Variants in GTF3C3 observed in about 807,000 individuals in gnomAD.
GTF3C3 encodes general transcription factor 3C polypeptide 3.
Under a neutral mutation model 105.2 loss-of-function variants are expected in GTF3C3, and 75 were observed. The observed-to-expected ratio is 0.71, with a 90% CI of 0.59 to 0.86. The LOEUF (loss-of-function observed/expected upper bound fraction) is 0.86. Among genes scored for constraint, GTF3C3 ranks in the 40% least tolerant of loss-of-function variants. The pLI is 0.00. For missense variants in GTF3C3, 856 were observed against 1,076.5 expected, an observed-to-expected ratio of 0.80 and a Z score of 2.87; for synonymous variants, 335 against 370.4, an observed-to-expected ratio of 0.90 and a Z score of 1.10.
At chr2:196,768,736 G>A (rs1167904885) in intron 16 of GTF3C3, among the ~76,000 whole-genome samples, 6 of 152,010 alleles carry the variant, frequency 3.9e-5, no homozygotes, top group Non-Finnish European at 8.8e-5. Flanking sequence ...CCAACCACTT[G>A]AAACCTCCTA....
At chr2:196,777,498 T>G (rs1222513227) in intron 10 of GTF3C3, 1 of 152,206 alleles carries the variant, frequency 6.6e-6, no homozygotes, top group African/African-American at 2.4e-5. Context: ...CTTTCCATCC[T>G]TTTCGCTGCA....
rs1453762648 is a variant in GTF3C3, at chr2:196,797,912, TG to T, written c.103-5del. 3.4e-6 allele frequency: 5 copies of T among 1,477,196 alleles called. No homozygotes were observed. Among genetic ancestry groups the T allele is most frequent in the Non-Finnish European group, 4.7e-6 (5 of 1,055,134 alleles). The allele number at this position is 1,477,196 out of a possible 1,614,324, so 91.5% of individuals were successfully genotyped here. A position where few individuals can be genotyped will look rare whatever the true frequency, so the allele number is the denominator to read the frequency against. Reference sequence around the variant, plus strand: ...ACTTGCCTTTTTCCTGAAGACTCTGTGATTGCAAATTAATTAATGATTCCAA... The same window carrying T: ...ACTTGCCTTTTTCCTGAAGACTCTGTATTGCAAATTAATTAATGATTCCAA... On this transcript the variant is annotated splice_region_variant and splice_polypyrimidine_tract_variant and intron_variant, in intron 1 of 17. Transcript: ENST00000263956.
chr2:196,790,473 AGAT>A (rs1016328427), intron 4 of GTF3C3, among the ~76,000 whole-genome samples: 39 of 152,350 alleles, frequency 2.6e-4, no homozygotes, highest in African/African-American at 9.4e-4. Flanking sequence ...ATGAATGAAC[AGAT>A]GATACCTAAG....
intron 6 of GTF3C3, among the ~76,000 whole-genome samples, chr2:196,787,952 GACAATC>G (rs1430651575): frequency 6.6e-6 from 1 of 152,064 alleles, no homozygotes; most frequent in Non-Finnish European, 1.5e-5. Flanking sequence ...TGGCAGAACT[GACAATC>G]ATCACTCTTT....
chr2:196,785,999 C>T (rs566167072), intron 6 of GTF3C3, among the ~76,000 whole-genome samples: 4 of 152,250 alleles, frequency 2.6e-5, no homozygotes, highest in African/African-American at 9.6e-5. Context: ...TTGCCCTGCA[C>T]TCTCTTGATC....
chr2:196,779,863 T>C (rs1699316932), intron 9 of GTF3C3, among the ~76,000 whole-genome samples: 1 of 152,076 alleles, frequency 6.6e-6, no homozygotes, highest in South Asian at 2.1e-4. Flanking sequence ...GTATTTTTTG[T>C]AGGCGTAGGG....
chr2:196,773,130 C>T lies in GTF3C3; in HGVS notation c.1855G>A (p.Val619Ile), dbSNP rs1054636315. Residue 619 changes from valine to isoleucine, a missense_variant, in exon 14 of 18, where the codon GTC becomes ATC. Around this residue, in one of 3 missense-constraint regions of GTF3C3, gnomAD observed 605 missense variants for 833.6 expected, o/e 0.73. Transcript: ENST00000263956. ...TTCCACCAGTCATCCTTTGTCAAGA[C>T]GCTTGTGAGCACAGCAAATATTGCT... is the stretch of plus-strand genomic sequence containing the variant. Reference protein sequence around the residue: ...AKAIFAVLTSVLTKDDWWNLL... With the variant: ...AKAIFAVLTSILTKDDWWNLL... The T allele has an allele frequency of 7.5e-6, 12 of 1,605,668 alleles. No homozygotes were observed. The Admixed American group carries it at 1.2e-4, about 16-fold the overall frequency.
intron 6 of GTF3C3, among the ~76,000 whole-genome samples, chr2:196,787,965 C>G (rs1264031223): frequency 6.6e-6 from 1 of 152,184 alleles, no homozygotes; most frequent in Non-Finnish European, 1.5e-5. Flanking sequence ...AATCATCACT[C>G]TTTCCCAAAA....
In GTF3C3 at chr2:196,779,076, C is replaced by T. The variant is rs1699303286; in HGVS notation, c.1219-9G>A. ...AGTGTTGTCAAGAGAGGCTAGACCACAAATAAAAGCCCCAAGTTAAACATT... is the reference window on the plus strand; with the variant it reads ...AGTGTTGTCAAGAGAGGCTAGACCATAAATAAAAGCCCCAAGTTAAACATT... On this transcript the variant is annotated splice_polypyrimidine_tract_variant and intron_variant, in intron 9 of 17. Transcript: ENST00000263956. The T allele has an allele frequency of 1.3e-6, 2 of 1,598,116 alleles. No homozygotes were observed. Among genetic ancestry groups the T allele is most frequent in the Admixed American group, 3.4e-5 (2 of 59,450 alleles).
chr2:196,791,433 T>C lies in GTF3C3; in HGVS notation c.439A>G (p.Arg147Gly). Residue 147 changes from arginine (R) to glycine (G), a missense_variant, in exon 4 of 18, where the codon AGA becomes GGA. Coordinates refer to ENST00000263956, the MANE Select transcript of GTF3C3 (RefSeq NM_012086.5). ...TCACCCATGAGACCTCTCAGAGCTC[T>C]GGGAAGTTTACTCCGAGGCCTTTTC... ...KEKRPRSKLPRALRGLMGEAN... is the reference protein window; with the variant it reads ...KEKRPRSKLPGALRGLMGEAN... 4 of 1,613,862 alleles carry C rather than the reference T, an allele frequency of 2.5e-6. No individual in the cohort carries two copies. Among genetic ancestry groups the C allele is most frequent in the Non-Finnish European group, 3.4e-6 (4 of 1,179,784 alleles).
chr2:196,797,677 C>T (rs777149450), intron 2 of GTF3C3, 120 bp downstream of exon 2: 5 of 649,700 alleles, frequency 7.7e-6, no homozygotes, highest in Middle Eastern at 3.9e-4. Context: ...GCATTCTGTT[C>T]CTGAAAAACC....
Position 196,776,419 on chromosome 2 carries a change from T to C in GTF3C3, c.1593+8A>G. 4 of 1,610,272 alleles carry C rather than the reference T, an allele frequency of 2.5e-6. No individual in the cohort carries two copies. Among genetic ancestry groups the C allele is most frequent in the African/African-American group, 1.3e-5 (1 of 75,012 alleles). ...AAGAAAAACTTCCCTCTATGTGACATGGCCCACCTGCTGTGCAGCATTTGC... is the reference window on the plus strand; with the variant it reads ...AAGAAAAACTTCCCTCTATGTGACACGGCCCACCTGCTGTGCAGCATTTGC... On this transcript the variant is annotated splice_region_variant and intron_variant, in intron 11 of 17. Transcript: ENST00000263956. The surrounding 1 kb of genome is among the most constrained non-coding windows in gnomAD (Gnocchi z 4.5).
chr2:196,780,583 A>G lies in GTF3C3; in HGVS notation c.1194T>C (p.His398=). ...ITVKLMVCLV[H]LNILEPLNPL... is the part of the protein sequence containing the mutation. ...CATTAAGTGGTTCAAGAATGTTGAG[A>G]TGTACAAGGCAGACCATCAACTTCA... Residue 398 remains histidine, a synonymous_variant, in exon 9 of 18, where the codon CAT becomes CAC. Coordinates refer to ENST00000263956, the MANE Select transcript of GTF3C3 (RefSeq NM_012086.5). The G allele has an allele frequency of 6.2e-7, 1 of 1,613,530 alleles. No individual in the cohort carries two copies. Among genetic ancestry groups the G allele is most frequent in the Non-Finnish European group, 8.5e-7 (1 of 1,179,602 alleles).
chr2:196,781,357 A>AAATATATAT lies in GTF3C3; in HGVS notation c.1115-696_1115-695insATATATATT. Among the ~76,000 whole-genome samples, 104 of 18,760 alleles carry AAATATATAT rather than the reference A, an allele frequency of 5.5e-3. 3 individuals carry two copies. The highest frequency in any genetic ancestry group is 9.6e-3 in the African/African-American group (92 of 9,610). 12.3% of individuals were successfully genotyped at this position (18,760 alleles called of 152,430 possible). A position where few individuals can be genotyped will look rare whatever the true frequency, so the allele number is the denominator to read the frequency against. On this transcript the variant is annotated intron_variant, in intron 8 of 17. Coordinates refer to ENST00000263956, the MANE Select transcript of GTF3C3 (RefSeq NM_012086.5). ...ATGTTAAGGGGAAAAAAAAAAAAAAAATATATATATATATATATATATATA... is the reference window on the plus strand; with the variant it reads ...ATGTTAAGGGGAAAAAAAAAAAAAAAAATATATATATATATATATATATATATATATATA...
rs748655995 is a variant in GTF3C3 at position 196,799,533 on chromosome 2, C to T, written c.79G>A (p.Glu27Lys). Residue 27 changes from glutamate (E) to lysine (K), a missense_variant, in exon 1 of 18, where the codon GAG becomes AAG. By Grantham distance (56) the Glu-to-Lys change is moderately conservative. Coordinates refer to ENST00000263956, the MANE Select transcript of GTF3C3 (RefSeq NM_012086.5). ...SFEEFERRREERKTREKKSLQ... is the reference protein window; with the variant it reads ...SFEEFERRREKRKTREKKSLQ... ...ACTTTCTTCTCGCGGGTTTTTCTCT[C>T]TTCTCTCCGCCGTTCGAACTCCTCA... 1.3e-5 allele frequency: 21 copies of T among 1,614,006 alleles called. No homozygotes were observed. The highest frequency in any genetic ancestry group is 1.8e-5 in the Non-Finnish European group (21 of 1,179,978).
At chr2:196,797,076 C>G (rs1699659891) in intron 2 of GTF3C3, among the ~76,000 whole-genome samples, 2 of 152,178 alleles carry the variant, frequency 1.3e-5, no homozygotes, top group African/African-American at 4.8e-5. Flanking sequence ...TAGAACTAGA[C>G]AGTTGTTATC....
chr2:196,791,961 A>G (rs1485245837), intron 3 of GTF3C3: 1 of 151,584 alleles, frequency 6.6e-6, no homozygotes, highest in Non-Finnish European at 1.5e-5. Flanking sequence ...AAAGTCTAAA[A>G]CTCAATTGCA....
intron 13 of GTF3C3, among the ~76,000 whole-genome samples, chr2:196,774,548 A>C (rs1170267874): frequency 6.6e-6 from 1 of 152,232 alleles, no homozygotes; most frequent in Non-Finnish European, 1.5e-5. Flanking sequence ...TATGAGCCTA[A>C]GAAAAACTAA....
chr2:196,770,285 T>C (rs1218020834), intron 15 of GTF3C3, among the ~76,000 whole-genome samples: 2 of 152,256 alleles, frequency 1.3e-5, no homozygotes, highest in Non-Finnish European at 2.9e-5. Context: ...TAGGCACAGC[T>C]AGACATTTCC....
Sources: gnomAD v4.1 joint callset for allele counts (sites outside exome capture counted in the v4.1 genomes callset) on GRCh38, gnomAD v4.1.1 for gene constraint, gnomAD v4.1.1 regional missense constraint, Gnocchi (gnomAD v3.1) non-coding constraint, MANE v1.5 for transcripts, NCBI Gene and HGNC (gene_info 2026-07-23, HGNC 2026-07-21) for gene names.